Variants in SCNN1A observed in about 807,000 individuals in gnomAD.
SCNN1A encodes epithelial sodium channel subunit alpha.
In SCNN1A, 65 loss-of-function variants were observed where a neutral mutation model predicts 68.6. The ratio of observed to expected loss-of-function variants is 0.95; its 90% CI spans 0.78 to 1.16. The LOEUF is 1.16. Among genes scored for constraint, SCNN1A ranks in the 50% most tolerant of loss-of-function variants. The pLI, the probability that SCNN1A is intolerant of heterozygous loss-of-function variation, is 0.00. For missense variants in SCNN1A, 880 were observed against 865.9 expected, an observed-to-expected ratio of 1.02 and a Z score of -0.20; for synonymous variants, 357 against 353.3, an observed-to-expected ratio of 1.01 and a Z score of -0.12.
chr12:6,348,147 A>G lies in SCNN1A; in HGVS notation c.1736T>C (p.Ile579Thr). 2 of 1,614,158 alleles carry G rather than the reference A, an allele frequency of 1.2e-6. No individual in the cohort carries two copies. Among genetic ancestry groups the G allele is most frequent in the Middle Eastern group, 1.7e-4 (1 of 6,060 alleles). Reference protein sequence around the residue: ...MAELVFDLLVIMFLMLLRRFR... With the variant: ...MAELVFDLLVTMFLMLLRRFR... ...CCTTCGGAGCAGCATGAGGAACATG[A>G]TGACCAGCAGGTCAAAGACGAGCTC... The change falls in exon 13 of 13, where the codon ATC becomes ACC. Residue 579 changes from isoleucine to threonine, a missense_variant. This residue lies in a region of SCNN1A where 758 missense variants were observed against 721.8 expected (regional missense o/e 1.05). Transcript: ENST00000228916.
At chr12:6,350,537 A>G (rs1045194949) in intron 8 of SCNN1A, among the ~76,000 whole-genome samples, 4 of 151,698 alleles carry the variant, frequency 2.6e-5, no homozygotes, top group African/African-American at 9.7e-5. Context: ...GATGTGTGTT[A>G]TTTAAAAAAA....
intron 4 of SCNN1A, among the ~76,000 whole-genome samples, chr12:6,360,985 T>A (rs905718340): frequency 1.3e-5 from 2 of 152,262 alleles, no homozygotes; most frequent in Non-Finnish European, 2.9e-5. Context: ...ACCCATCATT[T>A]ACTGTGGTCT....
chr12:6,355,262 G>C lies in SCNN1A; in HGVS notation c.1143+10C>G, dbSNP rs753307229. 2 of 1,610,870 alleles carry C rather than the reference G, an allele frequency of 1.2e-6. No homozygotes were observed. Among genetic ancestry groups the C allele is most frequent in the Non-Finnish European group, 1.7e-6 (2 of 1,178,554 alleles). ...GCGCTCCTTCCAGGCCTCCCAGTCAGCATCCTTGCCTTCCTCATGCTGATG... is the reference window on the plus strand; with the variant it reads ...GCGCTCCTTCCAGGCCTCCCAGTCACCATCCTTGCCTTCCTCATGCTGATG... On this transcript the variant is annotated intron_variant, in intron 6 of 12. Coordinates refer to ENST00000228916, the MANE Select transcript of SCNN1A (RefSeq NM_001038.6).
intron 2 of SCNN1A, among the ~76,000 whole-genome samples, chr12:6,368,767 G>A (rs958287614): frequency 2.6e-5 from 4 of 152,276 alleles, no homozygotes; most frequent in South Asian, 2.1e-4. Flanking sequence ...GAGCACCCAA[G>A]CCAGAACCTC....
chr12:6,376,125 A>G (rs532010089), upstream of SCNN1A: 344 of 987,418 alleles, frequency 3.5e-4, no homozygotes, highest in South Asian at 4.9e-3. Flanking sequence ...CCTCACCCTC[A>G]GGCCCTGCAG....
At chr12:6,364,947 T>A (rs1397772387) in intron 2 of SCNN1A, among the ~76,000 whole-genome samples, 1 of 151,342 alleles carries the variant, frequency 6.6e-6, no homozygotes, top group Non-Finnish European at 1.5e-5. Flanking sequence ...TTGAAATCCC[T>A]GCTGAAATAA....
chr12:6,375,242 G>C (rs1948883339), intron 1 of SCNN1A: 1 of 1,439,498 alleles, frequency 6.9e-7, no homozygotes, highest in African/African-American at 1.4e-5. Context: ...GGTCTCTCCT[G>C]CTCTCCTCTT....
chr12:6,368,149 A>G (rs1352014747), intron 2 of SCNN1A, among the ~76,000 whole-genome samples: 1 of 152,264 alleles, frequency 6.6e-6, no homozygotes, highest in Non-Finnish European at 1.5e-5. Flanking sequence ...GAAAAACTTT[A>G]AACAAATTAA....
At chr12:6,360,915 C>T (rs1186522623) in intron 4 of SCNN1A, among the ~76,000 whole-genome samples, 1 of 152,218 alleles carries the variant, frequency 6.6e-6, no homozygotes, top group Non-Finnish European at 1.5e-5. Flanking sequence ...AATCCTTAGC[C>T]AGGGCCGGCC....
rs547020888 is a variant in SCNN1A at position 6,373,825 on chromosome 12, C to A, written c.416+543G>T. On this transcript the variant is annotated intron_variant, in intron 2 of 12. Coordinates refer to ENST00000228916, the MANE Select transcript of SCNN1A (RefSeq NM_001038.6). Reference sequence around the variant, plus strand: ...AAGGCCCCTGCCCCCAGCCTTTGGGCTCACTTGCAGCCCTAACCTCCACGA... The same window carrying A: ...AAGGCCCCTGCCCCCAGCCTTTGGGATCACTTGCAGCCCTAACCTCCACGA... Among the ~76,000 whole-genome samples the A allele has an allele frequency of 3.9e-5, 6 of 152,270 alleles. No individual in the cohort carries two copies. In the East Asian group the frequency reaches 1.2e-3, roughly 29 times the overall value.
intron 2 of SCNN1A, among the ~76,000 whole-genome samples, chr12:6,371,989 G>A (rs1023548107): frequency 1.3e-5 from 2 of 151,916 alleles, no homozygotes; most frequent in African/African-American, 4.8e-5. Context: ...TAGAGACGGG[G>A]GTTTCACCAT....
chr12:6,354,996 G>C, intron 6 of SCNN1A, 148 bp from the exon 7 acceptor site: 1 of 781,182 alleles, frequency 1.3e-6, no homozygotes, highest in Non-Finnish European at 2.2e-6. Flanking sequence ...CCACCCCCAT[G>C]CCCACCCACT....
At chr12:6,348,897 A>AT (rs752911768) in intron 11 of SCNN1A, 53 bp downstream of exon 11, 17 of 1,607,690 alleles carry the variant, frequency 1.1e-5, no homozygotes, top group Non-Finnish European at 1.4e-5. Flanking sequence ...TCTTAGGTCT[A>AT]TTTTCCCTCC....
At position 6,348,366 on chromosome 12, in the gene SCNN1A, G is replaced by A. The variant is rs550654377; in HGVS notation, c.1630-113C>T. The stretch of plus-strand genomic sequence containing the variant: ...TCTCCCTTCATCCCTGAAGACCCCC[G>A]AGTCCTCTCAGCCTCTCAGCAGCCC... On this transcript the variant is annotated intron_variant, in intron 12 of 12. Coordinates refer to ENST00000228916, the MANE Select transcript of SCNN1A (RefSeq NM_001038.6). The A allele has an allele frequency of 2.0e-5, 32 of 1,572,126 alleles. No individual in the cohort carries two copies. The South Asian group carries it at 2.7e-4, about 13-fold the overall frequency.
rs567877683 is a variant in SCNN1A, at chr12:6,365,132, G to A, written c.417-1422C>T. The stretch of plus-strand genomic sequence containing the variant: ...CCTCCTGGGCTCAAGCAATCCTCCC[G>A]CCTCAGCCTCCCTAGTAGCTGGGAC... On this transcript the variant is annotated intron_variant, in intron 2 of 12. Coordinates refer to ENST00000228916, the MANE Select transcript of SCNN1A (RefSeq NM_001038.6). Among the ~76,000 whole-genome samples the A allele has an allele frequency of 3.4e-5, 5 of 148,956 alleles. 1 individual carries two copies. Among genetic ancestry groups the A allele is most frequent in the East Asian group, 2.0e-4 (1 of 5,014 alleles).
In SCNN1A at chr12:6,348,721, A is replaced by G. The variant is rs1948312121; in HGVS notation, c.1629+6T>C. The G allele has an allele frequency of 1.2e-6, 2 of 1,611,532 alleles. No individual in the cohort carries two copies. The highest frequency in any genetic ancestry group is 1.1e-5 in the South Asian group (1 of 90,950). ...GCATCACAGGCTCCATCCAGGCACGACCTACCGTGACAGAGGGAGACTCAG... is the reference window on the plus strand; with the variant it reads ...GCATCACAGGCTCCATCCAGGCACGGCCTACCGTGACAGAGGGAGACTCAG... On this transcript the variant is annotated splice_donor_region_variant and intron_variant, in intron 12 of 12. Transcript: ENST00000228916.
At chr12:6,348,605 TC>T in intron 12 of SCNN1A, 121 bp downstream of exon 12, 1 of 935,408 alleles carries the variant, frequency 1.1e-6, no homozygotes. Flanking sequence ...TCTTCTTTGG[TC>T]CCCTGCCTTT....
At chr12:6,375,430 C>T in intron 1 of SCNN1A, 75 bp downstream of exon 1, 1 of 1,532,666 alleles carries the variant, frequency 6.5e-7, no homozygotes, top group Non-Finnish European at 8.7e-7. Context: ...CAGCTTCCCA[C>T]TCCCAGGTTG....
chr12:6,354,199 C>G lies in SCNN1A; in HGVS notation c.1360+239G>C, dbSNP rs190080516. ...TGAGCCGAGATCGCGCCACTGCTCT[C>G]CAGCCTGGGTGACAGAGCGAGACTC... On this transcript the variant is annotated intron_variant, in intron 8 of 12. Coordinates refer to ENST00000228916, the MANE Select transcript of SCNN1A (RefSeq NM_001038.6). 2.1e-3 allele frequency among the ~76,000 whole-genome samples: 323 copies of G among 151,980 alleles called. 11 individuals are homozygous for G. The highest frequency in any genetic ancestry group is 0.021 in the Admixed American group (318 of 15,276).
Sources: gnomAD v4.1 joint callset for allele counts (sites outside exome capture counted in the v4.1 genomes callset) on GRCh38, gnomAD v4.1.1 for gene constraint, gnomAD v4.1.1 regional missense constraint, MANE v1.5 for transcripts, NCBI Gene and HGNC (gene_info 2026-07-23, HGNC 2026-07-21) for gene names.